The following TRPC6 variants were observed in gnomAD, a reference collection of about 807,000 sequenced individuals.
The protein encoded by TRPC6 is transient receptor potential cation channel subfamily C member 6.
TRPC6 carries 55 observed loss-of-function variants against 90.7 expected under a neutral mutation model. The ratio of observed to expected loss-of-function variants is 0.61; its 90% CI spans 0.49 to 0.76. The LOEUF is 0.76. Among genes scored for constraint, TRPC6 ranks in the 30% least tolerant of loss-of-function variants. TRPC6 has a pLI of 0.00. For missense variants in TRPC6, 989 were observed against 1,122.7 expected, an observed-to-expected ratio of 0.88 and a Z score of 1.70; for synonymous variants, 393 against 393.0, an observed-to-expected ratio of 1.00 and a Z score of 0.00.
At chr11:101,478,624 G>A (rs1859471141) in intron 5 of TRPC6, among the ~76,000 whole-genome samples, 1 of 151,988 alleles carries the variant, frequency 6.6e-6, no homozygotes, top group Admixed American at 6.5e-5. Flanking sequence ...TTGTCCTGAG[G>A]ACCCCTGAGA....
At chr11:101,509,229 G>A (rs568174149) in intron 1 of TRPC6, among the ~76,000 whole-genome samples, 1 of 151,500 alleles carries the variant, frequency 6.6e-6, no homozygotes, top group South Asian at 2.1e-4. Flanking sequence ...CTCCTGTGTA[G>A]CTGGGACTAA....
intron 2 of TRPC6, among the ~76,000 whole-genome samples, chr11:101,493,569 T>C (rs547314068): frequency 1.3e-5 from 2 of 152,326 alleles, no homozygotes; most frequent in South Asian, 2.1e-4. Flanking sequence ...CTCTTATTTG[T>C]AGAGTACTTT....
chr11:101,462,987 A>G (rs908127071), intron 10 of TRPC6, among the ~76,000 whole-genome samples: 1 of 152,290 alleles, frequency 6.6e-6, no homozygotes, highest in African/African-American at 2.4e-5. Context: ...CGTCCCATCA[A>G]TACCTAGTTT....
intron 1 of TRPC6, among the ~76,000 whole-genome samples, chr11:101,558,203 GTGTATACA>G (rs201098020): frequency 2.5e-5 from 2 of 79,990 alleles, no homozygotes; most frequent in African/African-American, 9.8e-5. Context: ...ATATATGTGT[GTGTATACA>G]TGTATATATG....
At chr11:101,513,356 GC>G (rs1860441046) in intron 1 of TRPC6, among the ~76,000 whole-genome samples, 1 of 152,134 alleles carries the variant, frequency 6.6e-6, no homozygotes, top group Non-Finnish European at 1.5e-5. Context: ...GGATGACCAA[GC>G]CAACAACACC....
At chr11:101,516,886 C>A (rs1486974460) in intron 1 of TRPC6, among the ~76,000 whole-genome samples, 1 of 152,220 alleles carries the variant, frequency 6.6e-6, no homozygotes, top group Admixed American at 6.5e-5. Flanking sequence ...ACCTCAGAGG[C>A]GAGAGAGGGC....
At chr11:101,509,078 C>T (rs1221911518) in intron 1 of TRPC6, among the ~76,000 whole-genome samples, 1 of 116,598 alleles carries the variant, frequency 8.6e-6, no homozygotes, top group Admixed American at 7.9e-5. Context: ...AATAAGAAGA[C>T]CCATGAAAAA....
chr11:101,477,681 A>G (rs918522527), intron 5 of TRPC6, among the ~76,000 whole-genome samples: 2 of 152,190 alleles, frequency 1.3e-5, no homozygotes, highest in African/African-American at 2.4e-5. Context: ...TAAACTATCT[A>G]AAACTCAGTT....
intron 1 of TRPC6, among the ~76,000 whole-genome samples, chr11:101,567,571 G>A (rs745831525): frequency 4.6e-5 from 7 of 152,210 alleles, no homozygotes; most frequent in Admixed American, 2.6e-4. Context: ...TCCTGACTGG[G>A]AGACACTTCC....
rs1859738520 is a variant in TRPC6, at chr11:101,488,932, C to T, written c.1293+5G>A. 6.2e-7 allele frequency: 1 copy of T among 1,612,502 alleles called. No individual in the cohort carries two copies. Among genetic ancestry groups the T allele is most frequent in the Non-Finnish European group, 8.5e-7 (1 of 1,179,986 alleles). On this transcript the variant is annotated splice_donor_5th_base_variant and intron_variant, in intron 4 of 12. Coordinates refer to ENST00000344327, the MANE Select transcript of TRPC6 (RefSeq NM_004621.6). ...ATAATAGAGGTCCAGGCTTCACATACATACCTTGCTGCATGGAGCAAACCA... is the reference window on the plus strand; with the variant it reads ...ATAATAGAGGTCCAGGCTTCACATATATACCTTGCTGCATGGAGCAAACCA...
intron 1 of TRPC6, among the ~76,000 whole-genome samples, chr11:101,541,360 T>G (rs1009693065): frequency 3.9e-5 from 6 of 152,136 alleles, no homozygotes; most frequent in African/African-American, 1.4e-4. Flanking sequence ...AAAATGACTG[T>G]ATTTTTTTGT....
In TRPC6 at chr11:101,471,247, T is replaced by A. The variant is rs200319221; in HGVS notation, c.2345A>T (p.Lys782Ile). ...SLFYLLLKLK[K>I]WISELFQGHK... ...GCCCTGGAACAGCTCAGAAATCCAT[T>A]TTTTAAGCTTCAGTAAGAGATAAAA... The change falls in exon 9 of 13, where the codon AAA becomes ATA. Residue 782 changes from lysine to isoleucine, a missense_variant. Lys to Ile is a moderately radical substitution (Grantham distance 102, BLOSUM62 -3). Around this residue, in one of 4 missense-constraint regions of TRPC6, gnomAD observed 191 missense variants for 196.7 expected, o/e 0.97. Coordinates refer to ENST00000344327, the MANE Select transcript of TRPC6 (RefSeq NM_004621.6). 1.8e-5 allele frequency: 29 copies of A among 1,613,888 alleles called. No individual in the cohort carries two copies. Among genetic ancestry groups the A allele is most frequent in the Non-Finnish European group, 2.3e-5 (27 of 1,179,904 alleles).
At chr11:101,581,596 A>C (rs1195335826) in intron 1 of TRPC6, among the ~76,000 whole-genome samples, 1 of 146,708 alleles carries the variant, frequency 6.8e-6, no homozygotes, top group African/African-American at 2.5e-5. Flanking sequence ...CCAAACCTAT[A>C]ACCCTCAGAC....
rs1860191633 is a variant in TRPC6 at position 101,503,891 on chromosome 11, G to A, written c.945+133C>T. 3 of 1,106,078 alleles carry A rather than the reference G, an allele frequency of 2.7e-6. No homozygotes were observed. In the South Asian group the frequency reaches 3.9e-5, roughly 14 times the overall value. 68.5% of individuals were successfully genotyped at this position (1,106,078 alleles called of 1,614,324 possible). ...TTTGCTACAATGATTATAATAAAGA[G>A]CTTGTTGAATAAACTTATAAAATGA... is the stretch of plus-strand genomic sequence containing the variant. On this transcript the variant is annotated intron_variant, in intron 2 of 12. Transcript: ENST00000344327.
Position 101,516,318 on chromosome 11 carries a change from G to A in TRPC6, c.171-11520C>T, listed in dbSNP as rs1860521069. ...TTCTTAAATCTTATTTTTTATTATT[G>A]TGACGCACACATGCTGAAAAGAACT... On this transcript the variant is annotated intron_variant, in intron 1 of 12. Transcript: ENST00000344327. Among the ~76,000 whole-genome samples, 4 of 151,878 alleles carry A rather than the reference G, an allele frequency of 2.6e-5. No individual in the cohort carries two copies. In the South Asian group the frequency reaches 8.3e-4, roughly 32 times the overall value.
chr11:101,583,545 G>A lies in TRPC6; in HGVS notation c.-42C>T, dbSNP rs1293703715. On this transcript the variant is annotated 5_prime_UTR_variant, in exon 1 of 13. Transcript: ENST00000344327. ...TGGCCTGGGCCCCGCTCCCGGGGGA[G>A]CCGAGTGGGCAGTTCCAGCGGGGAC... 5 of 1,413,726 alleles carry A rather than the reference G, an allele frequency of 3.5e-6. No individual in the cohort carries two copies. The highest frequency in any genetic ancestry group is 3.7e-6 in the Non-Finnish European group (4 of 1,089,538). The allele number at this position is 1,413,726 out of a possible 1,614,324, so 87.6% of individuals were successfully genotyped here. A position where few individuals can be genotyped will look rare whatever the true frequency, so the allele number is the denominator to read the frequency against.
chr11:101,463,459 C>T (rs7120857), intron 10 of TRPC6, among the ~76,000 whole-genome samples: 5 of 151,814 alleles, frequency 3.3e-5, no homozygotes, highest in Admixed American at 6.6e-5. Flanking sequence ...TTGGTTGGTA[C>T]GCTATTATTA....
At chr11:101,555,841 G>T (rs1346542082) in intron 1 of TRPC6, among the ~76,000 whole-genome samples, 1 of 151,834 alleles carries the variant, frequency 6.6e-6, no homozygotes, top group Non-Finnish European at 1.5e-5. Flanking sequence ...CTTCAAGACA[G>T]ATCACTTGTT....
intron 10 of TRPC6, among the ~76,000 whole-genome samples, chr11:101,465,199 T>C (rs1399519672): frequency 6.6e-6 from 1 of 152,142 alleles, no homozygotes; most frequent in Non-Finnish European, 1.5e-5. Flanking sequence ...AACCCAATCT[T>C]TCTCTCTGGC....
Sources: gnomAD v4.1 joint callset for allele counts (sites outside exome capture counted in the v4.1 genomes callset) on GRCh38, gnomAD v4.1.1 for gene constraint, gnomAD v4.1.1 regional missense constraint, MANE v1.5 for transcripts, NCBI Gene and HGNC (gene_info 2026-07-23, HGNC 2026-07-21) for gene names.